The following MRC2 variants were observed in gnomAD, a reference collection of about 807,000 sequenced individuals.
MRC2 encodes mannose receptor C-type 2, also known as C-type mannose receptor 2.
A neutral mutation model predicts 206.2 loss-of-function variants in MRC2; 84 were observed. That is an observed-to-expected ratio of 0.41 (90% CI 0.34 to 0.49). The LOEUF is 0.49. Ranked by LOEUF, MRC2 falls within the 20% of genes least tolerant of loss-of-function variation. The pLI, the probability that MRC2 is intolerant of heterozygous loss-of-function variation, is 0.31. For synonymous variants in MRC2, 798 were observed against 800.0 expected, an observed-to-expected ratio of 1.00 and a Z score of 0.04; for missense variants, 1,676 against 2,001.5, an observed-to-expected ratio of 0.84 and a Z score of 3.10.
intron 18 of MRC2, 35 bp from the exon 19 acceptor site, chr17:62,681,802 G>A (rs147854179): frequency 7.8e-5 from 120 of 1,534,124 alleles, no homozygotes; most frequent in Non-Finnish European, 1.0e-4. Context: ...GCTGGGGGCC[G>A]GTGCTGGAGT....
chr17:62,627,956 G>C (rs1598959884), intron 1 of MRC2, 36 bp downstream of exon 1: 1 of 1,344,958 alleles, frequency 7.4e-7, no homozygotes, highest in African/African-American at 1.5e-5. Flanking sequence ...TTCAGGGCCC[G>C]GGCGGGGGGA....
intron 28 of MRC2, 41 bp downstream of exon 28, chr17:62,691,169 C>G: frequency 6.4e-7 from 1 of 1,550,982 alleles, no homozygotes; most frequent in Non-Finnish European, 8.7e-7. Flanking sequence ...CCTTCCACCC[C>G]GTGCCGCTGG....
chr17:62,638,282 C>A (rs1466691562), intron 1 of MRC2, among the ~76,000 whole-genome samples: 1 of 151,584 alleles, frequency 6.6e-6, no homozygotes, highest in African/African-American at 2.4e-5. Context: ...TTACATGATG[C>A]CACGGTCATG....
intron 1 of MRC2, among the ~76,000 whole-genome samples, chr17:62,643,352 AAG>A (rs2088433744): frequency 6.6e-6 from 1 of 151,660 alleles, no homozygotes; most frequent in African/African-American, 2.4e-5. Context: ...AAAAAAGAAA[AAG>A]AAAAGAAAAA....
chr17:62,640,141 G>A (rs1177427194), intron 1 of MRC2, among the ~76,000 whole-genome samples: 1 of 151,388 alleles, frequency 6.6e-6, no homozygotes, highest in African/African-American at 2.4e-5. Context: ...AAAGTGCTGG[G>A]ATTACAGGTG....
chr17:62,629,552 G>T (rs566510858), intron 1 of MRC2, among the ~76,000 whole-genome samples: 1 of 152,332 alleles, frequency 6.6e-6, no homozygotes, highest in South Asian at 2.1e-4. Flanking sequence ...CTGGGTGGCA[G>T]GCAGTGTGAG....
chr17:62,681,922 A>G lies in MRC2; in HGVS notation c.2788A>G (p.Met930Val). ...CGGCAAGGACAAGAAGTGCGTGTAC[A>G]TGACAGCCAGCCGAGGTGAGGGCAA... The part of the protein sequence containing the change: ...PVGKDKKCVY[M>V]TASREDWGDQ... Residue 930 changes from methionine to valine, a missense_variant, in exon 19 of 30, where the codon ATG becomes GTG. Physicochemically the swap from Met to Val is conservative, Grantham distance 21. Coordinates refer to ENST00000303375, the MANE Select transcript of MRC2 (RefSeq NM_006039.5). 6.2e-7 allele frequency: 1 copy of G among 1,613,718 alleles called. No homozygotes were observed. Among genetic ancestry groups the G allele is most frequent in the Non-Finnish European group, 8.5e-7 (1 of 1,179,884 alleles).
chr17:62,666,638 C>A lies in MRC2; in HGVS notation c.859+19C>A. 6.5e-7 allele frequency: 1 copy of A among 1,550,224 alleles called. No individual in the cohort carries two copies. The highest frequency in any genetic ancestry group is 8.7e-7 in the Non-Finnish European group (1 of 1,147,022). ...ATCAACGGTGAGCCGGGGCCTGATGCCTGCTCGTGCCTCTGGAGGGCCCGG... is the reference window on the plus strand; with the variant it reads ...ATCAACGGTGAGCCGGGGCCTGATGACTGCTCGTGCCTCTGGAGGGCCCGG... On this transcript the variant is annotated intron_variant, in intron 4 of 29. Transcript: ENST00000303375. This position sits in a 1 kb window ranked among gnomAD's most constrained non-coding sequence, Gnocchi z 5.0.
intron 1 of MRC2, among the ~76,000 whole-genome samples, chr17:62,637,388 T>G (rs2088336262): frequency 6.7e-6 from 1 of 149,546 alleles, no homozygotes. Context: ...ATACAAAAAT[T>G]AGCTGGGCAT....
intron 1 of MRC2, among the ~76,000 whole-genome samples, chr17:62,636,101 TA>T (rs1324261201): frequency 2.0e-5 from 3 of 151,210 alleles, no homozygotes; most frequent in Admixed American, 6.6e-5. Flanking sequence ...TTTTTTTTTT[TA>T]AATTAGCTGG....
At position 62,681,108 on chromosome 17, in the gene MRC2, C is replaced by CT; in HGVS notation, c.2682dup (p.Glu895Ter). Reference sequence around the variant, plus strand: ...CACTGGTGGATCGGCCTGCACACCTCTGAGAGCGATGGGCGCTTCAGGTAG... The same window carrying CT: ...CACTGGTGGATCGGCCTGCACACCTCTTGAGAGCGATGGGCGCTTCAGGTAG... On this transcript the variant is annotated frameshift_variant, in exon 18 of 30. Coordinates refer to ENST00000303375, the MANE Select transcript of MRC2 (RefSeq NM_006039.5). LOFTEE classifies it high-confidence loss of function. The CT allele has an allele frequency of 6.2e-7, 1 of 1,613,614 alleles. No individual in the cohort carries two copies. Among genetic ancestry groups the CT allele is most frequent in the Non-Finnish European group, 8.5e-7 (1 of 1,179,994 alleles).
At chr17:62,687,272 T>C (rs753681891) in intron 20 of MRC2, among the ~76,000 whole-genome samples, 29 of 152,218 alleles carry the variant, frequency 1.9e-4, no homozygotes, top group Non-Finnish European at 3.7e-4. Context: ...GCGATTCTCC[T>C]GCCTCAGCCT....
chr17:62,651,666 C>T (rs767654813), intron 1 of MRC2, among the ~76,000 whole-genome samples: 1 of 152,202 alleles, frequency 6.6e-6, no homozygotes, highest in Non-Finnish European at 1.5e-5. Flanking sequence ...CCTCCTCCTC[C>T]CGGGTTCAAG....
Position 62,664,690 on chromosome 17 carries a change from C to T in MRC2, c.261C>T (p.Asn87=). The change falls in exon 2 of 30, where the codon AAC becomes AAT. Residue 87 remains asparagine (N), a synonymous_variant. Transcript: ENST00000303375. The surrounding 1 kb of genome is among the most constrained non-coding windows in gnomAD (Gnocchi z 4.7). ...GGGTCTCCCGAAACCGGCTATTCAA[C>T]CTGGGTACCATGCAGTGCCTGGGCA... ...WKWVSRNRLF[N]LGTMQCLGTG... The T allele has an allele frequency of 6.2e-7, 1 of 1,614,078 alleles. No individual in the cohort carries two copies. The highest frequency in any genetic ancestry group is 8.5e-7 in the Non-Finnish European group (1 of 1,180,036).
chr17:62,690,215 T>G lies in MRC2; in HGVS notation c.3802T>G (p.Ser1268Ala). ...CAGCTGTCCCCAGGGACTGGCAGAC[T>G]CCGCGTGGATTCCCTTCCGGGAGCA... Reference protein sequence around the residue: ...HGSCPQGLADSAWIPFREHCY... With the variant: ...HGSCPQGLADAAWIPFREHCY... Residue 1268 changes from serine to alanine, a missense_variant, in exon 26 of 30, where the codon TCC becomes GCC. This residue lies in a region of MRC2 where 1,354 missense variants were observed against 1,636.6 expected (regional missense o/e 0.83). Coordinates refer to ENST00000303375, the MANE Select transcript of MRC2 (RefSeq NM_006039.5). 1.2e-6 allele frequency: 2 copies of G among 1,613,060 alleles called. No individual in the cohort carries two copies. The highest frequency in any genetic ancestry group is 1.7e-6 in the Non-Finnish European group (2 of 1,179,398).
chr17:62,645,949 A>G (rs533424282), intron 1 of MRC2, among the ~76,000 whole-genome samples: 28 of 151,712 alleles, frequency 1.8e-4, no homozygotes, highest in Admixed American at 8.5e-4. Context: ...TACTGGCTAC[A>G]TAGGGTTCTG....
chr17:62,659,924 T>G (rs1293202606), intron 1 of MRC2, among the ~76,000 whole-genome samples: 1 of 152,240 alleles, frequency 6.6e-6, no homozygotes, highest in East Asian at 1.9e-4. Flanking sequence ...TGTTCATTTG[T>G]TCCTTCAGTA....
At chr17:62,650,464 C>G (rs1449293476) in intron 1 of MRC2, among the ~76,000 whole-genome samples, 1 of 152,220 alleles carries the variant, frequency 6.6e-6, no homozygotes, top group African/African-American at 2.4e-5. Flanking sequence ...CTCACACATC[C>G]TGAAGCCAAA....
At chr17:62,669,091 C>T (rs1027911336) in intron 6 of MRC2, among the ~76,000 whole-genome samples, 2 of 124,274 alleles carry the variant, frequency 1.6e-5, no homozygotes, top group Non-Finnish European at 3.2e-5. Context: ...TGGCAACACA[C>T]ACACACACAC....
Sources: gnomAD v4.1 joint callset for allele counts (sites outside exome capture counted in the v4.1 genomes callset) on GRCh38, gnomAD v4.1.1 for gene constraint, gnomAD v4.1.1 regional missense constraint, Gnocchi (gnomAD v3.1) non-coding constraint, MANE v1.5 for transcripts, NCBI Gene and HGNC (gene_info 2026-07-23, HGNC 2026-07-21) for gene names.